Variants in CPEB3 observed in about 807,000 individuals in gnomAD.
CPEB3 encodes the protein cytoplasmic polyadenylation element-binding protein 3.
In CPEB3, 20 loss-of-function variants were observed where a neutral mutation model predicts 67.2. That is an observed-to-expected ratio of 0.30 (90% CI 0.21 to 0.43). The LOEUF is 0.43. CPEB3 is among the 20% of genes least tolerant of loss of function. CPEB3 has a pLI of 1.00. For synonymous variants in CPEB3, 376 were observed against 393.1 expected (o/e 0.96, Z 0.51); for missense variants, 746 against 968.6 (o/e 0.77, Z 3.05).
chr10:92,241,590 A>T (rs1851854723), intron 1 of CPEB3, among the ~76,000 whole-genome samples: 2 of 152,324 alleles, frequency 1.3e-5, no homozygotes, highest in South Asian at 4.1e-4. Context: ...CATTGCCATC[A>T]CTGCTTCATT....
At chr10:92,113,702 A>C (rs865865120) in intron 6 of CPEB3, among the ~76,000 whole-genome samples, 20 of 152,190 alleles carry the variant, frequency 1.3e-4, no homozygotes, top group African/African-American at 4.6e-4. Flanking sequence ...TGCAATCTTC[A>C]ACATCAAATC....
At chr10:92,221,146 A>C (rs1188914345) in intron 2 of CPEB3, among the ~76,000 whole-genome samples, 3 of 152,234 alleles carry the variant, frequency 2.0e-5, no homozygotes, top group African/African-American at 7.2e-5. Context: ...TCAAGTTAAT[A>C]TTTCTGAGTT....
At chr10:92,136,188 C>T (rs1195437605) in intron 6 of CPEB3, among the ~76,000 whole-genome samples, 1 of 151,722 alleles carries the variant, frequency 6.6e-6, no homozygotes, top group Non-Finnish European at 1.5e-5. Flanking sequence ...AAATTAAGAC[C>T]TCAAACTATG....
At chr10:92,177,524 T>G (rs1016803152) in intron 4 of CPEB3, among the ~76,000 whole-genome samples, 2 of 152,230 alleles carry the variant, frequency 1.3e-5, no homozygotes, top group Non-Finnish European at 2.9e-5. Context: ...ATTCATGGTC[T>G]TGAACAGGAA....
At chr10:92,141,988 A>G (rs1846450647) in intron 6 of CPEB3, among the ~76,000 whole-genome samples, 1 of 150,234 alleles carries the variant, frequency 6.7e-6, no homozygotes, top group African/African-American at 2.4e-5. Flanking sequence ...ACTGCACTCC[A>G]GCCTGGGCGA....
intron 4 of CPEB3, among the ~76,000 whole-genome samples, chr10:92,173,348 G>A (rs953275708): frequency 6.6e-6 from 1 of 151,946 alleles, no homozygotes; most frequent in Non-Finnish European, 1.5e-5. Context: ...CAAATACAAA[G>A]AACTTCTTCC....
At chr10:92,149,034 G>C (rs1471803294) in intron 4 of CPEB3, among the ~76,000 whole-genome samples, 1 of 151,858 alleles carries the variant, frequency 6.6e-6, no homozygotes, top group African/African-American at 2.4e-5. Context: ...CCCAGTAGCT[G>C]GGATTATAGG....
At chr10:92,119,724 C>A (rs944195096) in intron 6 of CPEB3, among the ~76,000 whole-genome samples, 6 of 152,144 alleles carry the variant, frequency 3.9e-5, no homozygotes, top group African/African-American at 1.4e-4. Context: ...CTTAGAGCAG[C>A]TGCTTTGAGG....
intron 9 of CPEB3, among the ~76,000 whole-genome samples, chr10:92,067,413 T>A (rs1399836968): frequency 2.0e-5 from 3 of 149,356 alleles, no homozygotes; most frequent in Non-Finnish European, 4.5e-5. Flanking sequence ...GGCAGGAGAA[T>A]CTCTTGAACC....
At chr10:92,140,221 A>C (rs1846335197) in intron 6 of CPEB3, among the ~76,000 whole-genome samples, 2 of 152,182 alleles carry the variant, frequency 1.3e-5, no homozygotes, top group Non-Finnish European at 2.9e-5. Flanking sequence ...ACACTACCTG[A>C]CTTCAAACTA....
intron 1 of CPEB3, among the ~76,000 whole-genome samples, chr10:92,242,083 G>A (rs1382018744): frequency 2.0e-5 from 3 of 152,028 alleles, no homozygotes; most frequent in Non-Finnish European, 4.4e-5. Context: ...CAGACAAATG[G>A]GATTAAAAGT....
chr10:92,166,919 C>T (rs1847772438), intron 4 of CPEB3, among the ~76,000 whole-genome samples: 1 of 152,224 alleles, frequency 6.6e-6, no homozygotes, highest in African/African-American at 2.4e-5. Flanking sequence ...TAGTCACCTT[C>T]ACCAACTATC....
chr10:92,287,512 T>C (rs1842586816), intron 1 of CPEB3, among the ~76,000 whole-genome samples: 1 of 152,202 alleles, frequency 6.6e-6, no homozygotes, highest in South Asian at 2.1e-4. Context: ...TTAGGATTAA[T>C]TTATTTTCTG....
chr10:92,198,836 TAA>T (rs1254083378), intron 2 of CPEB3, among the ~76,000 whole-genome samples: 1 of 152,170 alleles, frequency 6.6e-6, no homozygotes, highest in Non-Finnish European at 1.5e-5. Context: ...TCCATACCAG[TAA>T]TGTTCTAATG....
chr10:92,120,570 C>A (rs940898679), intron 6 of CPEB3, among the ~76,000 whole-genome samples: 3 of 151,744 alleles, frequency 2.0e-5, no homozygotes, highest in Non-Finnish European at 2.9e-5. Context: ...GGTGACAGAG[C>A]GAGACTGTCT....
At chr10:92,257,114 T>C (rs1392097456) in intron 1 of CPEB3, among the ~76,000 whole-genome samples, 1 of 152,236 alleles carries the variant, frequency 6.6e-6, no homozygotes, top group Non-Finnish European at 1.5e-5. Context: ...CAAAGTTTAA[T>C]GTTTATGAAG....
At chr10:92,084,812 C>G (rs1843307164) in intron 8 of CPEB3, among the ~76,000 whole-genome samples, 1 of 152,114 alleles carries the variant, frequency 6.6e-6, no homozygotes. Context: ...ATCTCCTGAC[C>G]TCATGATCCG....
At chr10:92,157,516 G>C (rs982404058) in intron 4 of CPEB3, among the ~76,000 whole-genome samples, 1 of 152,164 alleles carries the variant, frequency 6.6e-6, no homozygotes, top group Non-Finnish European at 1.5e-5. Flanking sequence ...CTATTTTGGG[G>C]ACCCTCTTTA....
intron 9 of CPEB3, among the ~76,000 whole-genome samples, chr10:92,078,141 C>T (rs1395184700): frequency 6.6e-6 from 1 of 152,052 alleles, no homozygotes; most frequent in Non-Finnish European, 1.5e-5. Context: ...TTACTATTGC[C>T]TTCACTGTAC....
Sources: allele counts gnomAD v4.1 joint callset (sites outside exome capture counted in the v4.1 genomes callset), GRCh38; gene constraint gnomAD v4.1.1; transcripts MANE v1.5; gene names NCBI Gene and HGNC (gene_info 2026-07-23, HGNC 2026-07-21).